The following SPPL2B variants were observed in gnomAD, a reference collection of about 807,000 sequenced individuals.
The protein encoded by SPPL2B is signal peptide peptidase like 2B, also known as signal peptide peptidase-like 2B.
Under a neutral mutation model 59.7 loss-of-function variants are expected in SPPL2B, and 39 were observed. That is an observed-to-expected ratio of 0.65 (90% CI 0.51 to 0.85). The LOEUF is 0.85. SPPL2B is among the 40% of genes least tolerant of loss of function. The probability of loss-of-function intolerance (pLI) is 0.00; values close to 1 mark genes in which losing one functional copy is unlikely to be tolerated. For missense variants in SPPL2B, 865 were observed against 849.0 expected (o/e 1.02, Z -0.23); for synonymous variants, 419 against 370.8 (o/e 1.13, Z -1.49).
chr19:2,333,198 T>G (rs1242090861), intron 1 of SPPL2B, among the ~76,000 whole-genome samples: 2 of 28,974 alleles, frequency 6.9e-5, no homozygotes, highest in Non-Finnish European at 1.7e-4. Flanking sequence ...TGGACTAGAC[T>G]CTGCTGGGAG....
chr19:2,328,869 G>C (rs1438066261), intron 1 of SPPL2B, 94 bp downstream of exon 1: 5 of 1,107,562 alleles, frequency 4.5e-6, no homozygotes, highest in Non-Finnish European at 4.7e-6. Flanking sequence ...CGCTCGGCCC[G>C]TCTTGGGGGT....
chr19:2,334,956 A>G (rs1968478862), intron 2 of SPPL2B, among the ~76,000 whole-genome samples: 1 of 152,040 alleles, frequency 6.6e-6, no homozygotes, highest in Non-Finnish European at 1.5e-5. Flanking sequence ...GCCGAGCTCC[A>G]TGTGGTAGAT....
At chr19:2,334,018 C>T (rs564234268) in intron 1 of SPPL2B, among the ~76,000 whole-genome samples, 8 of 152,236 alleles carry the variant, frequency 5.3e-5, no homozygotes, top group Non-Finnish European at 1.2e-4. Context: ...CCAGTGGGAG[C>T]TGAGGGGTGC....
chr19:2,341,093 G>C, intron 8 of SPPL2B, 79 bp downstream of exon 8: 1 of 1,042,496 alleles, frequency 9.6e-7, no homozygotes, highest in Non-Finnish European at 1.4e-6. Context: ...CTGACTCCCT[G>C]CCCTCCCTGG....
chr19:2,337,870 C>T (rs1467653022), intron 3 of SPPL2B: 1 of 494,258 alleles, frequency 2.0e-6, no homozygotes, highest in East Asian at 3.6e-5. Context: ...TGGCCGTGGT[C>T]TTGTTGGGTG....
At chr19:2,339,245 G>A (rs1238602785) in intron 5 of SPPL2B, 37 bp downstream of exon 5, 4 of 1,584,276 alleles carry the variant, frequency 2.5e-6, no homozygotes, top group African/African-American at 2.7e-5. Flanking sequence ...TGACGGGGTC[G>A]GGCGGCTCTG....
At chr19:2,346,629 C>T (rs536991233) in intron 13 of SPPL2B, among the ~76,000 whole-genome samples, 4 of 152,188 alleles carry the variant, frequency 2.6e-5, no homozygotes, top group Non-Finnish European at 4.4e-5. Flanking sequence ...ATCGTGCCAC[C>T]GCACTCCAGC....
chr19:2,341,886 C>G (rs1011487681), intron 8 of SPPL2B: 6 of 286,454 alleles, frequency 2.1e-5, no homozygotes, highest in Non-Finnish European at 3.5e-5. Flanking sequence ...TCACTTTGCC[C>G]AGGAGTTCAA....
intron 1 of SPPL2B, among the ~76,000 whole-genome samples, chr19:2,330,102 C>T (rs537114324): frequency 1.4e-5 from 2 of 141,246 alleles, no homozygotes; most frequent in South Asian, 2.3e-4. Flanking sequence ...AAGGCTTTTC[C>T]GAAGCAGATC....
intron 13 of SPPL2B, among the ~76,000 whole-genome samples, chr19:2,346,957 C>T (rs941600597): frequency 2.9e-4 from 44 of 151,822 alleles, no homozygotes; most frequent in Non-Finnish European, 1.9e-4. Context: ...CTGGACACAG[C>T]GGCTCTTTTT....
intron 13 of SPPL2B, among the ~76,000 whole-genome samples, chr19:2,350,855 C>T (rs949806293): frequency 6.6e-6 from 1 of 152,224 alleles, no homozygotes; most frequent in Non-Finnish European, 1.5e-5. Flanking sequence ...CCAAGGGTGG[C>T]CATGTGTGCG....
intron 1 of SPPL2B, among the ~76,000 whole-genome samples, chr19:2,331,323 T>C (rs1054972193): frequency 2.0e-5 from 3 of 152,230 alleles, no homozygotes; most frequent in African/African-American, 7.2e-5. Flanking sequence ...TCTGAACCTG[T>C]GTGCGGTTGC....
intron 9 of SPPL2B, 76 bp downstream of exon 9, chr19:2,343,368 G>T: frequency 2.4e-6 from 3 of 1,251,632 alleles, no homozygotes; most frequent in Non-Finnish European, 3.4e-6. Context: ...CCCGTGTGGG[G>T]CTGTGGTCCT....
At position 2,353,941 on chromosome 19, in the gene SPPL2B, T is replaced by G. The variant is rs1599265425; in HGVS notation, c.*732T>G. The G allele has an allele frequency of 6.6e-6, 1 of 152,358 alleles. No individual in the cohort carries two copies. The highest frequency in any genetic ancestry group is 1.9e-4 in the East Asian group (1 of 5,188). 9.4% of individuals were successfully genotyped at this position (152,358 alleles called of 1,614,324 possible). Reference sequence around the variant, plus strand: ...TGGTCGCAACTTCTAGAAGTCCTGCTGGTGCCACCTGGTGGGGTGGACGTC... The same window carrying G: ...TGGTCGCAACTTCTAGAAGTCCTGCGGGTGCCACCTGGTGGGGTGGACGTC... On this transcript the variant is annotated 3_prime_UTR_variant, in exon 15 of 15. Coordinates refer to ENST00000613503, the MANE Select transcript of SPPL2B (RefSeq NM_152988.3).
intron 3 of SPPL2B, chr19:2,337,864 C>G: frequency 2.0e-6 from 1 of 500,884 alleles, no homozygotes; most frequent in Non-Finnish European, 3.5e-6. Flanking sequence ...GAACTTTGGC[C>G]GTGGTCTTGT....
chr19:2,343,134 T>C (rs1340651042), intron 8 of SPPL2B, 77 bp from the exon 9 acceptor site: 3 of 1,172,522 alleles, frequency 2.6e-6, no homozygotes, highest in East Asian at 2.6e-5. Context: ...GCAAGGGCCC[T>C]GTGTGGCTCG....
intron 7 of SPPL2B, chr19:2,340,501 G>A: frequency 1.7e-6 from 1 of 604,670 alleles, no homozygotes; most frequent in Non-Finnish European, 3.0e-6. Flanking sequence ...AGCTTGGCCT[G>A]GCTCTTAGGG....
chr19:2,351,017 T>C (rs1969897822), intron 13 of SPPL2B, among the ~76,000 whole-genome samples: 1 of 152,226 alleles, frequency 6.6e-6, no homozygotes, highest in Admixed American at 6.5e-5. Flanking sequence ...CACAGCTCAG[T>C]GTTCAAGGGT....
At chr19:2,329,214 G>A (rs1194657461) in intron 1 of SPPL2B, among the ~76,000 whole-genome samples, 1 of 152,242 alleles carries the variant, frequency 6.6e-6, no homozygotes, top group South Asian at 2.1e-4. Flanking sequence ...GGGTGCGGTG[G>A]GGGAACCCAG....
Sources: allele counts gnomAD v4.1 joint callset (sites outside exome capture counted in the v4.1 genomes callset), GRCh38; gene constraint gnomAD v4.1.1; transcripts MANE v1.5; gene names NCBI Gene and HGNC (gene_info 2026-07-23, HGNC 2026-07-21).